The following STAB2 variants were observed in gnomAD, a reference collection of about 807,000 sequenced individuals.
STAB2 encodes the protein stabilin-2.
Under a neutral mutation model 338.1 loss-of-function variants are expected in STAB2, and 288 were observed. That is an observed-to-expected ratio of 0.85 (90% confidence interval 0.77 to 0.94). The LOEUF (loss-of-function observed/expected upper bound fraction) is 0.94, where lower values mean the gene tolerates loss of function less well. STAB2 is among the 40% of genes least tolerant of loss of function. The pLI is 0.00. For synonymous variants in STAB2, 1,202 were observed against 1,193.3 expected (o/e 1.01, Z -0.15); for missense variants, 3,141 against 3,210.1 (o/e 0.98, Z 0.52).
At chr12:103,591,556 AC>A (rs1382240915) in intron 2 of STAB2, among the ~76,000 whole-genome samples, 1 of 152,182 alleles carries the variant, frequency 6.6e-6, no homozygotes, top group South Asian at 2.1e-4. Context: ...TTGCACATAA[AC>A]ATTCTCTTTT....
chr12:103,757,456 A>G (rs1267259148), intron 63 of STAB2, among the ~76,000 whole-genome samples: 1 of 152,238 alleles, frequency 6.6e-6, no homozygotes, highest in Non-Finnish European at 1.5e-5. Flanking sequence ...CAAACAATAA[A>G]TGGAACAAAC....
chr12:103,735,383 C>A, intron 51 of STAB2, 108 bp from the exon 52 acceptor site: 1 of 617,520 alleles, frequency 1.6e-6, no homozygotes, highest in Non-Finnish European at 2.7e-6. Context: ...GTTATTATAA[C>A]TCGTGGAAAA....
At chr12:103,730,679 T>A (rs1018253568) in intron 49 of STAB2, among the ~76,000 whole-genome samples, 1 of 152,136 alleles carries the variant, frequency 6.6e-6, no homozygotes, top group African/African-American at 2.4e-5. Flanking sequence ...AGATACATCA[T>A]CAAATCTCTG....
chr12:103,650,601 C>A, intron 11 of STAB2, 23 bp downstream of exon 11: 13 of 1,595,936 alleles, frequency 8.1e-6, no homozygotes, highest in Non-Finnish European at 9.4e-6. Flanking sequence ...AATGACCCTA[C>A]ACCAAGGGGC....
intron 51 of STAB2, among the ~76,000 whole-genome samples, chr12:103,734,050 G>A (rs546145379): frequency 3.7e-4 from 56 of 150,006 alleles, no homozygotes; most frequent in African/African-American, 1.4e-3. Flanking sequence ...TCATATGGGA[G>A]CAAGCACGAT....
intron 9 of STAB2, among the ~76,000 whole-genome samples, chr12:103,644,567 A>G (rs1353176026): frequency 6.7e-6 from 1 of 149,482 alleles, no homozygotes; most frequent in Non-Finnish European, 1.5e-5. Flanking sequence ...ATAAATAAAT[A>G]AATAAAAATA....
At chr12:103,607,321 TG>T (rs1223046873) in intron 3 of STAB2, among the ~76,000 whole-genome samples, 1 of 152,168 alleles carries the variant, frequency 6.6e-6, no homozygotes, top group Non-Finnish European at 1.5e-5. Context: ...AACTCACTGA[TG>T]GTCTGCTCAT....
At chr12:103,668,292 TAGG>T (rs1474401921) in intron 19 of STAB2, among the ~76,000 whole-genome samples, 1 of 152,160 alleles carries the variant, frequency 6.6e-6, no homozygotes, top group Non-Finnish European at 1.5e-5. Flanking sequence ...AATGTCTCTG[TAGG>T]AGATCTTAGG....
intron 49 of STAB2, 111 bp downstream of exon 49, chr12:103,730,367 C>T: frequency 8.0e-7 from 1 of 1,243,176 alleles, no homozygotes; most frequent in South Asian, 1.4e-5. Context: ...GCTTCAATCT[C>T]AAGCTATTAT....
rs144189203 is a variant in STAB2, at chr12:103,707,772, AAGCC to A, written c.4193-666_4193-663del. Among the ~76,000 whole-genome samples the A allele has an allele frequency of 3.0e-3, 451 of 152,340 alleles. 2 individuals are homozygous for A. Among genetic ancestry groups the A allele is most frequent in the African/African-American group, 0.011 (441 of 41,554 alleles). On this transcript the variant is annotated intron_variant, in intron 38 of 68. Transcript: ENST00000388887. The stretch of plus-strand genomic sequence containing the variant: ...TCACTGTTTTCTCCTCAGCTGGTCT[AAGCC>A]AGACAAAATTAATGTACAATTGAAT...
intron 34 of STAB2, among the ~76,000 whole-genome samples, chr12:103,701,707 G>C (rs957017685): frequency 6.6e-6 from 1 of 152,034 alleles, no homozygotes; most frequent in African/African-American, 2.4e-5. Flanking sequence ...TGAGACTAAG[G>C]TTTCCTCTTA....
intron 7 of STAB2, 24 bp from the exon 8 acceptor site, chr12:103,637,992 C>T (rs773823282): frequency 5.0e-6 from 8 of 1,597,268 alleles, no homozygotes; most frequent in Admixed American, 1.7e-5. Flanking sequence ...CTAACTGCCT[C>T]TCATTTTGCT....
intron 13 of STAB2, chr12:103,654,935 T>G (rs1477045209): frequency 5.4e-6 from 3 of 558,488 alleles, no homozygotes; most frequent in Non-Finnish European, 9.0e-6. Flanking sequence ...TTTACCTCTT[T>G]TATTACTGCA....
intron 3 of STAB2, among the ~76,000 whole-genome samples, chr12:103,594,732 A>G (rs1483354960): frequency 2.0e-5 from 3 of 152,216 alleles, no homozygotes; most frequent in Non-Finnish European, 4.4e-5. Context: ...TTCCCTTATA[A>G]GCCAGAAAAA....
intron 33 of STAB2, among the ~76,000 whole-genome samples, chr12:103,697,883 A>G (rs1039251782): frequency 5.3e-5 from 8 of 152,308 alleles, no homozygotes; most frequent in African/African-American, 1.9e-4. Flanking sequence ...AGGGGTCACT[A>G]TTCAGCTGGT....
At chr12:103,662,642 T>A (rs1362011577) in intron 17 of STAB2, among the ~76,000 whole-genome samples, 2 of 152,228 alleles carry the variant, frequency 1.3e-5, no homozygotes, top group Non-Finnish European at 2.9e-5. Context: ...CATCCTTGCC[T>A]GGTGTTAGTC....
rs78036673 is a variant in STAB2, at chr12:103,695,336, C to A, written c.3376-214C>A. On this transcript the variant is annotated intron_variant, in intron 31 of 68. Transcript: ENST00000388887. ...TAATCAAGGAGGTTTAACGGTAAGG[C>A]ATAAAATTGAATGACTAACATCTCC... Among the ~76,000 whole-genome samples the A allele has an allele frequency of 1.5e-3, 236 of 152,286 alleles. 1 individual carries two copies. Among genetic ancestry groups the A allele is most frequent in the African/African-American group, 5.3e-3 (221 of 41,556 alleles).
intron 63 of STAB2, 129 bp downstream of exon 63, chr12:103,755,847 C>T (rs920453349): frequency 4.9e-6 from 4 of 822,128 alleles, no homozygotes; most frequent in Non-Finnish European, 7.8e-6. Context: ...ACCACCTTGC[C>T]TGAATCTAAA....
chr12:103,639,957 A>G (rs1872785044), intron 8 of STAB2, among the ~76,000 whole-genome samples, 166 bp from the exon 9 acceptor site: 1 of 152,244 alleles, frequency 6.6e-6, no homozygotes, highest in African/African-American at 2.4e-5. Flanking sequence ...ATGTGTAAAC[A>G]TGATTTCTAC....
Sources: allele counts gnomAD v4.1 joint callset (sites outside exome capture counted in the v4.1 genomes callset), GRCh38; gene constraint gnomAD v4.1.1; transcripts MANE v1.5; gene names NCBI Gene and HGNC (gene_info 2026-07-23, HGNC 2026-07-21).